CELSR1: variants seen among roughly 807,000 people sequenced by gnomAD.
CELSR1 encodes adhesion G protein-coupled receptor C1.
CELSR1 carries 110 observed loss-of-function variants against 249.1 expected under a neutral mutation model. The observed-to-expected ratio is 0.44, with a 90% confidence interval of 0.38 to 0.52. The LOEUF (loss-of-function observed/expected upper bound fraction) is 0.52. Among genes scored for constraint, CELSR1 ranks in the 20% least tolerant of loss-of-function variants. The pLI, the probability that CELSR1 is intolerant of heterozygous loss-of-function variation, is 0.00. For missense variants in CELSR1, 4,109 were observed against 4,296.4 expected, an observed-to-expected ratio of 0.96 and a Z score of 1.22; for synonymous variants, 2,113 against 1,900.0, an observed-to-expected ratio of 1.11 and a Z score of -2.92.
At chr22:46,485,173 G>A (rs780202365) in intron 1 of CELSR1, among the ~76,000 whole-genome samples, 27 of 152,102 alleles carry the variant, frequency 1.8e-4, no homozygotes, top group Non-Finnish European at 3.7e-4. Flanking sequence ...TTGCAGCTTC[G>A]AGGTTTTTCT....
chr22:46,444,944 G>A (rs1246105154), intron 2 of CELSR1, among the ~76,000 whole-genome samples: 1 of 152,248 alleles, frequency 6.6e-6, no homozygotes, highest in Non-Finnish European at 1.5e-5. Context: ...GGTGGCTCGT[G>A]CCTGTAATCC....
rs183946412 is a variant in CELSR1 at position 46,512,718 on chromosome 22, G to A, written c.3544+20909C>T. 7.0e-4 allele frequency among the ~76,000 whole-genome samples: 106 copies of A among 152,284 alleles called. No homozygotes were observed. Among genetic ancestry groups the A allele is most frequent in the African/African-American group, 2.4e-3 (100 of 41,560 alleles). ...CTCCACAGTCAACCCTTCTTGTCACGGGGATCAGGCACAGCTCCTGCTTAT... is the reference window on the plus strand; with the variant it reads ...CTCCACAGTCAACCCTTCTTGTCACAGGGATCAGGCACAGCTCCTGCTTAT... On this transcript the variant is annotated intron_variant, in intron 1 of 34. Coordinates refer to ENST00000674500, the MANE Select transcript of CELSR1 (RefSeq NM_001378328.1). This position sits in a 1 kb window ranked among gnomAD's most constrained non-coding sequence, Gnocchi z 5.2.
At position 46,527,601 on chromosome 22, in the gene CELSR1, C is replaced by T. The variant is rs910899336; in HGVS notation, c.3544+6026G>A. 1.3e-5 allele frequency among the ~76,000 whole-genome samples: 2 copies of T among 152,226 alleles called. No individual in the cohort carries two copies. The highest frequency in any genetic ancestry group is 6.5e-5 in the Admixed American group (1 of 15,280). On this transcript the variant is annotated intron_variant, in intron 1 of 34. Transcript: ENST00000674500. This position sits in a 1 kb window ranked among gnomAD's most constrained non-coding sequence, Gnocchi z 5.5. ...GAAGTCAGGACCACACTGGCTCTCC[C>T]GGCTTTCGCACACAGCAGGTGCTCA...
At position 46,395,523 on chromosome 22, in the gene CELSR1, GC is replaced by G. The variant is rs1276193289; in HGVS notation, c.5843+1081del. ...TCCCACCTCCCTCTCCACTCCCAGG[GC>G]ACCTCCGCGGCGCTCTCCCTGGCAT... On this transcript the variant is annotated intron_variant, in intron 13 of 34. Coordinates refer to ENST00000674500, the MANE Select transcript of CELSR1 (RefSeq NM_001378328.1). This position sits in a 1 kb window ranked among gnomAD's most constrained non-coding sequence, Gnocchi z 5.5. 6.6e-6 allele frequency among the ~76,000 whole-genome samples: 1 copy of G among 152,104 alleles called. No homozygotes were observed. Among genetic ancestry groups the G allele is most frequent in the African/African-American group, 2.4e-5 (1 of 41,426 alleles).
Position 46,463,714 on chromosome 22 carries a change from G to C in CELSR1, c.4176C>G (p.Asp1392Glu), listed in dbSNP as rs948539907. 6.6e-7 allele frequency: 1 copy of C among 1,520,946 alleles called. No individual in the cohort carries two copies. Among genetic ancestry groups the C allele is most frequent in the Non-Finnish European group, 8.8e-7 (1 of 1,136,330 alleles). 94.2% of individuals were successfully genotyped at this position (1,520,946 alleles called of 1,614,324 possible). ...GTGAGCCCGGGCACCTACCAGTGAA[G>C]TCCTCGAAGCACTCGCAGGTGTAGC... ...EGGYTCECFE[D>E]FTGEHCEVDA... The change falls in exon 2 of 35, where the codon GAC becomes GAG. Residue 1392 changes from aspartate (D) to glutamate (E), a missense_variant. Physicochemically the swap from Asp to Glu is conservative, Grantham distance 45. Around this residue, in one of 7 missense-constraint regions of CELSR1, gnomAD observed 453 missense variants for 492.0 expected, o/e 0.92. Transcript: ENST00000674500.
intron 9 of CELSR1, among the ~76,000 whole-genome samples, chr22:46,404,411 C>CA (rs897590784): frequency 2.3e-4 from 33 of 142,836 alleles, no homozygotes; most frequent in East Asian, 1.2e-3. Context: ...GACTCCATTT[C>CA]AAAAAAAAAA....
Position 46,381,021 on chromosome 22 carries a change from A to C in CELSR1, c.7089-66T>G. On this transcript the variant is annotated intron_variant, in intron 21 of 34. Coordinates refer to ENST00000674500, the MANE Select transcript of CELSR1 (RefSeq NM_001378328.1). This position sits in a 1 kb window ranked among gnomAD's most constrained non-coding sequence, Gnocchi z 6.0. ...GGAAACATCTGCTTAAATCCCGCGC[A>C]CAAATGCCCTGAGGACACGCCATGA... 8 of 1,529,740 alleles carry C rather than the reference A, an allele frequency of 5.2e-6. No homozygotes were observed. Among genetic ancestry groups the C allele is most frequent in the Non-Finnish European group, 7.2e-6 (8 of 1,116,922 alleles). 94.8% of individuals were successfully genotyped at this position (1,529,740 alleles called of 1,614,324 possible). A position where few individuals can be genotyped will look rare whatever the true frequency, so the allele number is the denominator to read the frequency against.
intron 5 of CELSR1, among the ~76,000 whole-genome samples, chr22:46,422,263 G>A (rs1180291916): frequency 6.6e-6 from 1 of 151,844 alleles, no homozygotes; most frequent in African/African-American, 2.4e-5. Context: ...CTGCCACCAC[G>A]CCCGGCTAAT....
intron 9 of CELSR1, among the ~76,000 whole-genome samples, chr22:46,403,480 C>T (rs1417336186): frequency 1.3e-5 from 2 of 151,954 alleles, no homozygotes; most frequent in Non-Finnish European, 2.9e-5. Flanking sequence ...TGGCATGAAC[C>T]CAGGAGGTGG....
chr22:46,441,934 A>C lies in CELSR1; in HGVS notation c.4184-2523T>G. ...GAGGCTGAGGCGGGTAGATTACCAG[A>C]GGTCGAGAGTTCAAGACCAGCCTAA... On this transcript the variant is annotated intron_variant, in intron 2 of 34. Coordinates refer to ENST00000674500, the MANE Select transcript of CELSR1 (RefSeq NM_001378328.1). This position sits in a 1 kb window ranked among gnomAD's most constrained non-coding sequence, Gnocchi z 6.1. 6.6e-6 allele frequency among the ~76,000 whole-genome samples: 1 copy of C among 152,206 alleles called. No homozygotes were observed.
At chr22:46,431,800 G>A (rs566486739) in intron 5 of CELSR1, among the ~76,000 whole-genome samples, 67 of 148,666 alleles carry the variant, frequency 4.5e-4, no homozygotes, top group African/African-American at 1.5e-3. Context: ...GACAATGGCA[G>A]CAAATAAATC....
intron 23 of CELSR1, chr22:46,377,678 C>T (rs566061503): frequency 1.5e-4 from 33 of 224,532 alleles, no homozygotes; most frequent in African/African-American, 5.9e-4. Flanking sequence ...TGAACAAACT[C>T]CACTAATCAC....
chr22:46,533,431 G>A (rs531263880), intron 1 of CELSR1, among the ~76,000 whole-genome samples, 196 bp downstream of exon 1: 6 of 152,376 alleles, frequency 3.9e-5, no homozygotes, highest in African/African-American at 7.2e-5. Context: ...CGGAAGCGGC[G>A]CGGTGCCTCT....
In CELSR1 at chr22:46,409,589, A is replaced by G. The variant is rs955881420; in HGVS notation, c.5059+166T>C. On this transcript the variant is annotated intron_variant, in intron 8 of 34. Coordinates refer to ENST00000674500, the MANE Select transcript of CELSR1 (RefSeq NM_001378328.1). The surrounding 1 kb of genome is among the most constrained non-coding windows in gnomAD (Gnocchi z 9.8). ...AGCAGGAGCAGGGGCTCTGCGGAGG[A>G]CAGTCTCTTGGAGAGGGCGGTGTGA... Among the ~76,000 whole-genome samples, 1 of 152,046 alleles carries G rather than the reference A, an allele frequency of 6.6e-6. No individual in the cohort carries two copies. Among genetic ancestry groups the G allele is most frequent in the African/African-American group, 2.4e-5 (1 of 41,400 alleles).
intron 1 of CELSR1, among the ~76,000 whole-genome samples, chr22:46,489,062 C>A (rs1272968365): frequency 6.6e-6 from 1 of 152,066 alleles, no homozygotes; most frequent in African/African-American, 2.4e-5. Flanking sequence ...CAGGGCAGGG[C>A]CACCTTCCTG....
At position 46,389,335 on chromosome 22, in the gene CELSR1, C is replaced by A. The variant is rs1321014520; in HGVS notation, c.6510G>T (p.Gln2170His). 6.2e-7 allele frequency: 1 copy of A among 1,610,248 alleles called. No homozygotes were observed. The highest frequency in any genetic ancestry group is 8.5e-7 in the Non-Finnish European group (1 of 1,179,866). ...GCGTGGCTGCCAGGTCGAAGCCCTG[C>A]TGCCAGCTCTCGTGCTGAAGGACGT... ...LGHVLQHESW[Q>H]QGFDLAATQD... Residue 2170 changes from glutamine to histidine, a missense_variant, in exon 18 of 35, where the codon CAG becomes CAT. This residue lies in a region of CELSR1 where 1,805 missense variants were observed against 1,831.6 expected (regional missense o/e 0.99). Coordinates refer to ENST00000674500, the MANE Select transcript of CELSR1 (RefSeq NM_001378328.1).
In CELSR1 at chr22:46,423,072, A is replaced by C. The variant is rs923717811; in HGVS notation, c.4611+10321T>G. Among the ~76,000 whole-genome samples, 5 of 152,078 alleles carry C rather than the reference A, an allele frequency of 3.3e-5. No homozygotes were observed. Among genetic ancestry groups the C allele is most frequent in the African/African-American group, 1.2e-4 (5 of 41,420 alleles). On this transcript the variant is annotated intron_variant, in intron 5 of 34. Coordinates refer to ENST00000674500, the MANE Select transcript of CELSR1 (RefSeq NM_001378328.1). This position sits in a 1 kb window ranked among gnomAD's most constrained non-coding sequence, Gnocchi z 5.6. ...CCTGGGCAACAGGACATCAGGGCAC[A>C]AGGACACGAGATAAGGCCTGGAAAG...
chr22:46,462,986 C>A, intron 2 of CELSR1: 1 of 449,262 alleles, frequency 2.2e-6, no homozygotes, highest in South Asian at 1.7e-5. Flanking sequence ...TCAATGGTTT[C>A]CACCTGGTTC....
chr22:46,534,047 C>A lies in CELSR1; in HGVS notation c.3124G>T (p.Asp1042Tyr). 6.2e-7 allele frequency: 1 copy of A among 1,613,756 alleles called. No individual in the cohort carries two copies. The highest frequency in any genetic ancestry group is 2.2e-5 in the East Asian group (1 of 44,892). Reference sequence around the variant, plus strand: ...TCCAGCTGGAAGAAATGCCGCATGTCCCCTTCCACAATCTGATACATGATC... The same window carrying A: ...TCCAGCTGGAAGAAATGCCGCATGTACCCTTCCACAATCTGATACATGATC... ...AQIMYQIVEGDMRHFFQLDLL... is the reference protein window; with the variant it reads ...AQIMYQIVEGYMRHFFQLDLL... The change falls in exon 1 of 35, where the codon GAC becomes TAC. Residue 1042 changes from aspartate to tyrosine, a missense_variant. By Grantham distance (160) the Asp-to-Tyr change is radical (BLOSUM62 -3). This residue lies in a region of CELSR1 where 886 missense variants were observed against 896.5 expected (regional missense o/e 0.99). Transcript: ENST00000674500. The surrounding 1 kb of genome is among the most constrained non-coding windows in gnomAD (Gnocchi z 9.7).
Sources: gnomAD v4.1 joint callset for allele counts (sites outside exome capture counted in the v4.1 genomes callset) on GRCh38, gnomAD v4.1.1 for gene constraint, gnomAD v4.1.1 regional missense constraint, Gnocchi (gnomAD v3.1) non-coding constraint, MANE v1.5 for transcripts, NCBI Gene and HGNC (gene_info 2026-07-23, HGNC 2026-07-21) for gene names.